The following ATXN2 variants were observed in gnomAD, a reference collection of about 807,000 sequenced individuals.
ATXN2 encodes the protein ataxin 2, also known as ataxin-2.
ATXN2 carries 37 observed loss-of-function variants against 138.6 expected under a neutral mutation model. The observed-to-expected ratio is 0.27, with a 90% confidence interval of 0.21 to 0.35. ATXN2 has a LOEUF of 0.35. ATXN2 is among the 10% of genes least tolerant of loss of function. The pLI is 1.00. For missense variants in ATXN2, 1,216 were observed against 1,480.3 expected (o/e 0.82, Z 2.93); for synonymous variants, 549 against 543.7 (o/e 1.01, Z -0.13).
At chr12:111,579,299 G>T (rs753392622) in intron 1 of ATXN2, among the ~76,000 whole-genome samples, 1 of 152,066 alleles carries the variant, frequency 6.6e-6, no homozygotes, top group South Asian at 2.1e-4. Flanking sequence ...TTTCACTCTT[G>T]ATGCCCAGGC....
At chr12:111,547,933 C>G (rs1300796400) in intron 5 of ATXN2, among the ~76,000 whole-genome samples, 1 of 148,546 alleles carries the variant, frequency 6.7e-6, no homozygotes, top group Non-Finnish European at 1.5e-5. Flanking sequence ...TGGTTCATGC[C>G]TACAATCCCA....
rs1188750201 is a variant in ATXN2, at chr12:111,453,512, C to A, written c.3439+165G>T. 1 of 1,348,966 alleles carries A rather than the reference C, an allele frequency of 7.4e-7. No individual in the cohort carries two copies. Among genetic ancestry groups the A allele is most frequent in the African/African-American group, 1.5e-5 (1 of 66,384 alleles). The allele number at this position is 1,348,966 out of a possible 1,614,324, so 83.6% of individuals were successfully genotyped here. ...AGACTCGGCTCCCGGAAGCCTCAGG[C>A]CCTGATGCTGAACTGATCGTCACAG... On this transcript the variant is annotated intron_variant, in intron 24 of 24. Transcript: ENST00000673436. The surrounding 1 kb of genome is among the most constrained non-coding windows in gnomAD (Gnocchi z 5.4).
intron 5 of ATXN2, among the ~76,000 whole-genome samples, chr12:111,528,022 T>C (rs190130287): frequency 6.6e-6 from 1 of 152,258 alleles, no homozygotes; most frequent in African/African-American, 2.4e-5. Context: ...AACTACACTA[T>C]AGGAAAATTC....
At chr12:111,495,843 A>G (rs535359868) in intron 14 of ATXN2, among the ~76,000 whole-genome samples, 82 of 152,148 alleles carry the variant, frequency 5.4e-4, no homozygotes, top group Non-Finnish European at 1.0e-3. Flanking sequence ...GTTAAGCCAC[A>G]AAACAAGTCT....
In ATXN2 at chr12:111,520,954, T is replaced by C. The variant is rs989467637; in HGVS notation, c.716A>G (p.Asn239Ser). The change falls in exon 7 of 25, where the codon AAT becomes AGT. Residue 239 changes from asparagine to serine, a missense_variant. Transcript: ENST00000673436. ...TTCTTCATTATATCGAAACATATCA[T>C]TGGGATCCCATCCATTAGACTAGAA... is the stretch of plus-strand genomic sequence containing the variant. ...ENDVSNGWDP[N>S]DMFRYNEENY... The C allele has an allele frequency of 3.8e-6, 6 of 1,591,134 alleles. No homozygotes were observed. Among genetic ancestry groups the C allele is most frequent in the African/African-American group, 1.3e-5 (1 of 74,448 alleles).
At chr12:111,582,660 TTTTGTTTGTTTG>T (rs371399749) in intron 1 of ATXN2, among the ~76,000 whole-genome samples, 2 of 152,218 alleles carry the variant, frequency 1.3e-5, no homozygotes, top group Admixed American at 1.3e-4. Context: ...ATCTCAGTTT[TTTTGTTTGTTTG>T]TTTGTTTGTT....
rs578041466 is a variant in ATXN2, at chr12:111,452,918, T to C, written c.3440-78A>G. The C allele has an allele frequency of 2.3e-5, 34 of 1,478,370 alleles. 1 individual carries two copies. In the South Asian group the frequency reaches 3.1e-4, roughly 13 times the overall value. The allele number at this position is 1,478,370 out of a possible 1,614,324, so 91.6% of individuals were successfully genotyped here. A position where few individuals can be genotyped will look rare whatever the true frequency, so the allele number is the denominator to read the frequency against. On this transcript the variant is annotated intron_variant, in intron 24 of 24. Coordinates refer to ENST00000673436, the MANE Select transcript of ATXN2 (RefSeq NM_001372574.1). ...AGCCTAGTGTCTCTGCAGCACATGATTGTAAACTATCCTCGTGCTAGCTGA... is the reference window on the plus strand; with the variant it reads ...AGCCTAGTGTCTCTGCAGCACATGACTGTAAACTATCCTCGTGCTAGCTGA...
In ATXN2 at chr12:111,598,745, C is replaced by T. The variant is rs1885071456; in HGVS notation, c.251+39G>A. ...GCGCGGGCCGCGGGGGAGGGGACGC[C>T]GGGCCCGGAGCGGAGGGGGCTGGGG... is the stretch of plus-strand genomic sequence containing the variant. On this transcript the variant is annotated intron_variant, in intron 1 of 24. Coordinates refer to ENST00000673436, the MANE Select transcript of ATXN2 (RefSeq NM_001372574.1). This position sits in a 1 kb window ranked among gnomAD's most constrained non-coding sequence, Gnocchi z 4.5. 2 of 1,160,522 alleles carry T rather than the reference C, an allele frequency of 1.7e-6. No individual in the cohort carries two copies. The highest frequency in any genetic ancestry group is 2.1e-6 in the Non-Finnish European group (2 of 941,058). 71.9% of individuals were successfully genotyped at this position (1,160,522 alleles called of 1,614,324 possible). A position where few individuals can be genotyped will look rare whatever the true frequency, so the allele number is the denominator to read the frequency against.
intron 5 of ATXN2, among the ~76,000 whole-genome samples, chr12:111,532,525 A>C (rs1880893116): frequency 6.6e-6 from 1 of 152,158 alleles, no homozygotes; most frequent in African/African-American, 2.4e-5. Flanking sequence ...CCATAACATC[A>C]AGCGATATGA....
chr12:111,514,054 C>A (rs1480549895), intron 10 of ATXN2, among the ~76,000 whole-genome samples: 1 of 152,112 alleles, frequency 6.6e-6, no homozygotes, highest in African/African-American at 2.4e-5. Flanking sequence ...AACATATGTA[C>A]ATACCCTTCT....
In ATXN2 at chr12:111,470,619, T is replaced by C. The variant is rs778257661; in HGVS notation, c.2648A>G (p.Tyr883Cys). The change falls in exon 19 of 25, where the codon TAC becomes TGC. Residue 883 changes from tyrosine to cysteine, a missense_variant. This residue lies in a region of ATXN2 where 490 missense variants were observed against 653.5 expected (regional missense o/e 0.75). Transcript: ENST00000673436. ...CTGATTTGGGAACTGCTGAGGACTG[T>C]AGGCAACATATTGCGTGGAGTAAGC... ...PPAYSTQYVA[Y>C]SPQQFPNQPL... The C allele has an allele frequency of 3.7e-6, 6 of 1,614,166 alleles. No individual in the cohort carries two copies. Among genetic ancestry groups the C allele is most frequent in the South Asian group, 3.3e-5 (3 of 91,086 alleles).
At chr12:111,486,868 G>A (rs561354276) in intron 15 of ATXN2, 44 bp from the exon 16 acceptor site, 70 of 1,521,234 alleles carry the variant, frequency 4.6e-5, no homozygotes, top group East Asian at 2.7e-4. Flanking sequence ...TGGACTTTAC[G>A]TTGCTCTAAA....
intron 1 of ATXN2, among the ~76,000 whole-genome samples, chr12:111,584,172 C>T (rs568270993): frequency 1.3e-5 from 2 of 151,498 alleles, no homozygotes; most frequent in Non-Finnish European, 2.9e-5. Context: ...ATCTGAGCTC[C>T]AGAGTTCAAG....
At chr12:111,513,257 T>A (rs1480429659) in intron 11 of ATXN2, 100 bp downstream of exon 11, 2 of 1,347,858 alleles carry the variant, frequency 1.5e-6, no homozygotes, top group Non-Finnish European at 2.0e-6. Flanking sequence ...TTTTAACATA[T>A]ACATACTTAC....
intron 7 of ATXN2, 93 bp downstream of exon 7, chr12:111,520,783 GTTTAAC>G (rs1880114969): frequency 1.5e-6 from 1 of 655,440 alleles, no homozygotes; most frequent in East Asian, 3.2e-5. Context: ...TCATGTAATT[GTTTAAC>G]TTAAAAACTA....
chr12:111,459,001 G>C (rs1875353020), intron 21 of ATXN2, among the ~76,000 whole-genome samples: 1 of 152,228 alleles, frequency 6.6e-6, no homozygotes, highest in African/African-American at 2.4e-5. Context: ...AGGATCACCT[G>C]TGCATCCACT....
chr12:111,579,067 G>A (rs2135826336), intron 1 of ATXN2, among the ~76,000 whole-genome samples: 2 of 152,218 alleles, frequency 1.3e-5, no homozygotes, highest in South Asian at 4.1e-4. Context: ...GCTAGGGAAA[G>A]AAAATATAGC....
chr12:111,469,977 C>A, intron 20 of ATXN2, 131 bp downstream of exon 20: 1 of 1,100,962 alleles, frequency 9.1e-7, no homozygotes, highest in South Asian at 2.2e-5. Context: ...GAAATGGGTT[C>A]ATCTTTTCCT....
At chr12:111,594,314 G>A (rs1220179251) in intron 1 of ATXN2, among the ~76,000 whole-genome samples, 2 of 151,934 alleles carry the variant, frequency 1.3e-5, no homozygotes, top group East Asian at 3.8e-4. Context: ...ATGGAAGCAT[G>A]ATGAACAACT....
Sources: allele counts gnomAD v4.1 joint callset (sites outside exome capture counted in the v4.1 genomes callset), GRCh38; gene constraint gnomAD v4.1.1; regional missense constraint gnomAD v4.1.1; non-coding constraint Gnocchi (gnomAD v3.1); transcripts MANE v1.5; gene names NCBI Gene and HGNC (gene_info 2026-07-23, HGNC 2026-07-21).